The following CNTN1 variants were observed in gnomAD, a reference collection of about 807,000 sequenced individuals.
The protein encoded by CNTN1 is contactin 1, also known as contactin-1.
A neutral mutation model predicts 126.4 loss-of-function variants in CNTN1; 38 were observed. That is an observed-to-expected ratio of 0.30 (90% CI 0.23 to 0.39). The LOEUF is 0.39. CNTN1 is among the 10% of genes least tolerant of loss of function. The pLI, the probability that CNTN1 is intolerant of heterozygous loss-of-function variation, is 1.00. For synonymous variants in CNTN1, 413 were observed against 422.6 expected, an observed-to-expected ratio of 0.98 and a Z score of 0.28; for missense variants, 1,009 against 1,248.4, an observed-to-expected ratio of 0.81 and a Z score of 2.89.
chr12:41,013,558 G>C (rs1383448455), intron 17 of CNTN1, among the ~76,000 whole-genome samples: 5 of 152,058 alleles, frequency 3.3e-5, no homozygotes, highest in African/African-American at 1.2e-4. Flanking sequence ...CCATATATCA[G>C]TTCTTCCATG....
intron 20 of CNTN1, 150 bp from the exon 21 acceptor site, chr12:41,025,000 A>C (rs1007128323): frequency 2.0e-5 from 16 of 813,448 alleles, no homozygotes; most frequent in South Asian, 1.8e-4. Context: ...ACTATATTCT[A>C]AGGCTGATAA....
intron 1 of CNTN1, among the ~76,000 whole-genome samples, chr12:40,742,880 A>G (rs1158206664): frequency 3.9e-5 from 6 of 152,114 alleles, no homozygotes; most frequent in Non-Finnish European, 7.4e-5. Context: ...TGGATGAGAC[A>G]ATGATACAAT....
chr12:40,881,213 C>T (rs1943858029), intron 1 of CNTN1, among the ~76,000 whole-genome samples: 1 of 151,842 alleles, frequency 6.6e-6, no homozygotes, highest in African/African-American at 2.4e-5. Context: ...AATATTTACT[C>T]CAGGGTGTTG....
At chr12:40,794,744 C>T (rs1482649211) in intron 1 of CNTN1, among the ~76,000 whole-genome samples, 1 of 151,878 alleles carries the variant, frequency 6.6e-6, no homozygotes. Flanking sequence ...TCTAGTAGCT[C>T]CCATTGGGAA....
chr12:40,837,728 C>G (rs145134388), intron 1 of CNTN1, among the ~76,000 whole-genome samples: 1 of 152,280 alleles, frequency 6.6e-6, no homozygotes, highest in Non-Finnish European at 1.5e-5. Context: ...ACAGCCAAGG[C>G]TAAGAAGCAA....
intron 1 of CNTN1, among the ~76,000 whole-genome samples, chr12:40,718,602 G>A (rs989166235): frequency 6.6e-6 from 1 of 152,170 alleles, no homozygotes; most frequent in Non-Finnish European, 1.5e-5. Flanking sequence ...AAAAAAGGAA[G>A]CCTCTAGGGG....
chr12:40,862,057 T>C (rs1254554725), intron 1 of CNTN1, among the ~76,000 whole-genome samples: 1 of 88,270 alleles, frequency 1.1e-5, no homozygotes, highest in African/African-American at 5.4e-5. Context: ...TTTACAAAAA[T>C]AAAGAAAAAA....
At chr12:40,710,079 G>C (rs1164765888) in intron 1 of CNTN1, among the ~76,000 whole-genome samples, 1 of 152,136 alleles carries the variant, frequency 6.6e-6, no homozygotes, top group Non-Finnish European at 1.5e-5. Flanking sequence ...TAAAGTGAGA[G>C]ATGTGGGACT....
At chr12:40,761,652 CTTGTATTA>C (rs1938870093) in intron 1 of CNTN1, among the ~76,000 whole-genome samples, 1 of 151,892 alleles carries the variant, frequency 6.6e-6, no homozygotes, top group African/African-American at 2.4e-5. Context: ...AGTTATTTTA[CTTGTATTA>C]TTTTAAATTT....
intron 1 of CNTN1, among the ~76,000 whole-genome samples, chr12:40,759,727 C>G (rs949705269): frequency 1.3e-5 from 2 of 151,416 alleles, no homozygotes. Context: ...CCTCGGCCTC[C>G]CAAAGTGCTG....
chr12:41,054,029 A>G, intron 23 of CNTN1, among the ~76,000 whole-genome samples: 1 of 152,014 alleles, frequency 6.6e-6, no homozygotes, highest in South Asian at 2.1e-4. Flanking sequence ...AACATTTTAT[A>G]TCTGAATTTT....
rs574610057 is a variant in CNTN1, at chr12:40,837,033, C to T, written c.-76-71324C>T. Among the ~76,000 whole-genome samples, 15 of 152,270 alleles carry T rather than the reference C, an allele frequency of 9.9e-5. 1 individual carries two copies. The highest frequency in any genetic ancestry group is 3.1e-4 in the African/African-American group (13 of 41,546). ...TGCATTTATATATTCAGTGATATTT[C>T]GGAACCCCTATATTCATTAGATTGT... On this transcript the variant is annotated intron_variant, in intron 1 of 23. Transcript: ENST00000551295.
At chr12:40,826,323 A>G (rs974619260) in intron 1 of CNTN1, among the ~76,000 whole-genome samples, 3 of 152,148 alleles carry the variant, frequency 2.0e-5, no homozygotes, top group East Asian at 1.9e-4. Context: ...TAAATCTTCT[A>G]TTTAAGGAAT....
chr12:40,917,303 T>G (rs1214868896), intron 3 of CNTN1, among the ~76,000 whole-genome samples: 1 of 152,100 alleles, frequency 6.6e-6, no homozygotes, highest in Non-Finnish European at 1.5e-5. Flanking sequence ...CATTTATTCA[T>G]TGCTGATTAT....
chr12:40,889,549 T>G (rs1944167553), intron 1 of CNTN1, among the ~76,000 whole-genome samples: 1 of 152,182 alleles, frequency 6.6e-6, no homozygotes, highest in African/African-American at 2.4e-5. Flanking sequence ...GTGATAGGTG[T>G]TGTGGTAGGT....
intron 1 of CNTN1, among the ~76,000 whole-genome samples, chr12:40,717,457 G>A (rs978406197): frequency 4.6e-5 from 7 of 152,030 alleles, no homozygotes; most frequent in South Asian, 2.1e-4. Context: ...TTGGATTTCC[G>A]ACCTAAAAAT....
chr12:40,896,287 G>T (rs1034095698), intron 1 of CNTN1, among the ~76,000 whole-genome samples: 1 of 152,014 alleles, frequency 6.6e-6, no homozygotes, highest in African/African-American at 2.4e-5. Context: ...TATGTATAAG[G>T]TATGTTTTTT....
chr12:40,927,341 A>C (rs1390397899), intron 6 of CNTN1, among the ~76,000 whole-genome samples: 4 of 152,092 alleles, frequency 2.6e-5, no homozygotes, highest in Non-Finnish European at 5.9e-5. Context: ...AAAGAACTAG[A>C]TCAGGGCTTA....
Position 40,929,925 on chromosome 12 carries a change from A to T in CNTN1, c.626A>T (p.Tyr209Phe), listed in dbSNP as rs1229864034. The T allele has an allele frequency of 1.2e-6, 2 of 1,612,810 alleles. No individual in the cohort carries two copies. The highest frequency in any genetic ancestry group is 1.7e-6 in the Non-Finnish European group (2 of 1,179,114). ...ANVEASDKGN[Y>F]SCFVSSPSIT... ...GTTGAGGCTTCCGACAAAGGCAATT[A>T]TTCCTGCTTTGTTTCCAGTCCTTCT... is the stretch of plus-strand genomic sequence containing the variant. Residue 209 changes from tyrosine to phenylalanine, a missense_variant, in exon 7 of 24, where the codon TAT (tyrosine) becomes TTT (phenylalanine). Coordinates refer to ENST00000551295, the MANE Select transcript of CNTN1 (RefSeq NM_001843.4).
Sources: gnomAD v4.1 joint callset for allele counts (sites outside exome capture counted in the v4.1 genomes callset) on GRCh38, gnomAD v4.1.1 for gene constraint, MANE v1.5 for transcripts, NCBI Gene and HGNC (gene_info 2026-07-23, HGNC 2026-07-21) for gene names.